ELF1: variants seen among roughly 807,000 people sequenced by gnomAD.
ELF1 encodes the protein ETS-related transcription factor Elf-1.
Under a neutral mutation model 59.9 loss-of-function variants are expected in ELF1, and 24 were observed. That is an observed-to-expected ratio of 0.40 (90% CI 0.29 to 0.56). The LOEUF is 0.56. Ranked by LOEUF, ELF1 falls within the 20% of genes least tolerant of loss-of-function variation. The pLI is 0.44. For missense variants in ELF1, 627 were observed against 742.2 expected, an observed-to-expected ratio of 0.84 and a Z score of 1.80; for synonymous variants, 248 against 266.2, an observed-to-expected ratio of 0.93 and a Z score of 0.67.
intron 1 of ELF1, among the ~76,000 whole-genome samples, chr13:41,030,588 A>T (rs137916070): frequency 6.6e-6 from 1 of 152,102 alleles, no homozygotes; most frequent in East Asian, 1.9e-4. Context: ...ACAAAAAATA[A>T]AAATAAATAA....
At chr13:40,942,913 G>T in intron 7 of ELF1, 39 bp downstream of exon 7, 5 of 1,435,904 alleles carry the variant, frequency 3.5e-6, no homozygotes, top group African/African-American at 1.4e-5. Context: ...TTTAGAAAAT[G>T]ATATTCTTAA....
upstream of ELF1, among the ~76,000 whole-genome samples, chr13:41,019,812 A>T (rs1593399069): frequency 6.6e-6 from 1 of 152,230 alleles, no homozygotes; most frequent in African/African-American, 2.4e-5. Context: ...CTACAAAGCC[A>T]GATGCAGATC....
chr13:40,941,503 G>T, intron 7 of ELF1, 133 bp from the exon 8 acceptor site: 1 of 801,180 alleles, frequency 1.2e-6, no homozygotes, highest in Non-Finnish European at 1.9e-6. Flanking sequence ...CTAAATAAAG[G>T]GCTGTTATTT....
At chr13:41,060,902 T>C (rs1309490689) in exon 1 of ELF1, 2 of 319,384 alleles carry the variant, frequency 6.3e-6, no homozygotes, top group Admixed American at 8.4e-5. Flanking sequence ...TCTGCGCTAC[T>C]GAAGCTGCTG....
chr13:41,060,440 C>T (rs1285289822), intron 1 of ELF1, among the ~76,000 whole-genome samples: 4 of 152,126 alleles, frequency 2.6e-5, no homozygotes, highest in Non-Finnish European at 4.4e-5. Context: ...TGGAAAACTA[C>T]GGGCCGGAGG....
chr13:40,938,102 G>T (rs779315181), intron 8 of ELF1, among the ~76,000 whole-genome samples: 1 of 152,150 alleles, frequency 6.6e-6, no homozygotes, highest in East Asian at 1.9e-4. Context: ...CAGGTGTGAG[G>T]CACTGCACCT....
chr13:40,943,739 C>A (rs1870329643), intron 6 of ELF1, 103 bp downstream of exon 6: 1 of 876,466 alleles, frequency 1.1e-6, no homozygotes, highest in South Asian at 2.7e-5. Flanking sequence ...GCAATAAGAT[C>A]CACTGCAGTA....
At chr13:41,045,377 A>T (rs926351488) in intron 1 of ELF1, among the ~76,000 whole-genome samples, 15 of 151,738 alleles carry the variant, frequency 9.9e-5, no homozygotes, top group African/African-American at 3.4e-4. Context: ...TTTAATTGTG[A>T]TGTTAGGGTG....
At chr13:40,964,584 G>A (rs897908039) in intron 2 of ELF1, among the ~76,000 whole-genome samples, 5 of 152,070 alleles carry the variant, frequency 3.3e-5, no homozygotes, top group African/African-American at 1.2e-4. Context: ...ACCTAGGCTG[G>A]AGTGCAGTGG....
At chr13:40,954,827 G>GC (rs1245290744) in intron 3 of ELF1, among the ~76,000 whole-genome samples, 1 of 147,608 alleles carries the variant, frequency 6.8e-6, no homozygotes, top group East Asian at 2.0e-4. Flanking sequence ...GCCTGCCTTG[G>GC]CCCCGCAAAG....
At chr13:40,973,642 C>CTTTT (rs59812708) in intron 2 of ELF1, among the ~76,000 whole-genome samples, 2 of 142,232 alleles carry the variant, frequency 1.4e-5, no homozygotes, top group Non-Finnish European at 3.1e-5. Flanking sequence ...TGCTAATTTC[C>CTTTT]TTTTTTTTTT....
rs756467275 is a variant in ELF1, at chr13:40,949,811, T to C, written c.524A>G (p.Lys175Arg). The change falls in exon 5 of 9, where the codon AAA becomes AGA. Residue 175 changes from lysine (K) to arginine (R), a missense_variant. By Grantham distance (26) the Lys-to-Arg change is conservative. Transcript: ENST00000239882. ...GASSPEQPKR[K>R]KGRKTKPPRP... The stretch of plus-strand genomic sequence containing the variant: ...AAACAAAGTAACCCACCTACCTTTT[T>C]TCCTCTTAGGCTGTTCTGGTGATGA... 6.2e-7 allele frequency: 1 copy of C among 1,613,514 alleles called. No individual in the cohort carries two copies. Among genetic ancestry groups the C allele is most frequent in the East Asian group, 2.2e-5 (1 of 44,878 alleles).
At chr13:41,028,476 C>T (rs1382225726) in intron 1 of ELF1, among the ~76,000 whole-genome samples, 4 of 152,188 alleles carry the variant, frequency 2.6e-5, no homozygotes, top group Middle Eastern at 3.2e-3. Context: ...CCAGCTAAGG[C>T]GTTTGCTGAA....
chr13:41,005,763 TA>T (rs1874711734), intron 1 of ELF1, among the ~76,000 whole-genome samples: 1 of 152,000 alleles, frequency 6.6e-6, no homozygotes, highest in Non-Finnish European at 1.5e-5. Context: ...ACCTTCCAGT[TA>T]ATTATAACTA....
intron 8 of ELF1, among the ~76,000 whole-genome samples, 158 bp downstream of exon 8, chr13:40,940,763 A>AT (rs1321956178): frequency 6.6e-6 from 1 of 152,232 alleles, no homozygotes; most frequent in Non-Finnish European, 1.5e-5. Context: ...GAGGACTGAC[A>AT]TAATAGTAAC....
At chr13:41,048,423 A>G (rs145072266) in intron 1 of ELF1, among the ~76,000 whole-genome samples, 12 of 152,220 alleles carry the variant, frequency 7.9e-5, no homozygotes, top group African/African-American at 2.9e-4. Flanking sequence ...GGAACTGCCT[A>G]CAGTCTTTTC....
At chr13:40,980,768 T>C (rs962632609) in intron 2 of ELF1, among the ~76,000 whole-genome samples, 1 of 152,132 alleles carries the variant, frequency 6.6e-6, no homozygotes, top group South Asian at 2.1e-4. Flanking sequence ...CACACAAACA[T>C]CCTGTCTTAA....
intron 1 of ELF1, among the ~76,000 whole-genome samples, chr13:41,043,733 C>T (rs940476900): frequency 1.8e-4 from 27 of 152,210 alleles, no homozygotes; most frequent in South Asian, 6.2e-4. Flanking sequence ...AGTCAGGTAG[C>T]GTGATGCCTC....
At chr13:40,985,645 T>C (rs1873511885) in intron 1 of ELF1, among the ~76,000 whole-genome samples, 2 of 152,178 alleles carry the variant, frequency 1.3e-5, no homozygotes, top group African/African-American at 2.4e-5. Flanking sequence ...TCTACATCAG[T>C]GCCCCTTGAA....
Sources: gnomAD v4.1 joint callset for allele counts (sites outside exome capture counted in the v4.1 genomes callset) on GRCh38, gnomAD v4.1.1 for gene constraint, MANE v1.5 for transcripts, NCBI Gene and HGNC (gene_info 2026-07-23, HGNC 2026-07-21) for gene names.